The following RHOQ variants were observed in gnomAD, a reference collection of about 807,000 sequenced individuals.
The protein encoded by RHOQ is ras homolog family member Q.
A neutral mutation model predicts 25.8 loss-of-function variants in RHOQ; 7 were observed. The ratio of observed to expected loss-of-function variants is 0.27; its 90% CI spans 0.15 to 0.51. The LOEUF (loss-of-function observed/expected upper bound fraction) is 0.51. Ranked by LOEUF, RHOQ falls within the 20% of genes least tolerant of loss-of-function variation. The probability of loss-of-function intolerance (pLI) is 0.97; values close to 1 mark genes in which losing one functional copy is unlikely to be tolerated. For synonymous variants in RHOQ, 97 were observed against 98.6 expected, an observed-to-expected ratio of 0.98 and a Z score of 0.10; for missense variants, 165 against 260.6, an observed-to-expected ratio of 0.63 and a Z score of 2.53.
rs1669395358 is a variant in RHOQ, at chr2:46,581,904, G to A, written c.*821G>A. 1 of 234,336 alleles carries A rather than the reference G, an allele frequency of 4.3e-6. No homozygotes were observed. The highest frequency in any genetic ancestry group is 8.5e-6 in the Non-Finnish European group (1 of 118,300). The allele number at this position is 234,336 out of a possible 1,614,324, so 14.5% of individuals were successfully genotyped here. A position where few individuals can be genotyped will look rare whatever the true frequency, so the allele number is the denominator to read the frequency against. On this transcript the variant is annotated 3_prime_UTR_variant, in exon 5 of 5. Transcript: ENST00000238738. Reference sequence around the variant, plus strand: ...TTGCCATAATGATAGACTCAATTTAGCTCTCTGAACTAGTTGGTAATTTTT... The same window carrying A: ...TTGCCATAATGATAGACTCAATTTAACTCTCTGAACTAGTTGGTAATTTTT...
rs1669139399 is a variant in RHOQ at position 46,576,653 on chromosome 2, AGAG to A, written c.461_462+1del. On this transcript the variant is annotated inframe_deletion and splice_region_variant, in exon 4 of 5. Transcript: ENST00000238738. This position sits in a 1 kb window ranked among gnomAD's most constrained non-coding sequence, Gnocchi z 5.1. ...TGGAACAAGGACAGAAACTAGCAAA[AGAG>A]GTAATGGAACACTCACAGAATTTAA... is the stretch of plus-strand genomic sequence containing the variant. 1 of 1,571,416 alleles carries A rather than the reference AGAG, an allele frequency of 6.4e-7. No homozygotes were observed.
chr2:46,580,668 C>CATAT (rs1338675720), intron 4 of RHOQ: 4 of 289,988 alleles, frequency 1.4e-5, no homozygotes, highest in Non-Finnish European at 2.5e-5. Flanking sequence ...AGTTCACTGA[C>CATAT]ATATCCCCAG....
chr2:46,577,403 T>A (rs1183628192), intron 4 of RHOQ, among the ~76,000 whole-genome samples: 2 of 141,634 alleles, frequency 1.4e-5, no homozygotes, highest in African/African-American at 5.3e-5. Context: ...GGTCTTTTTT[T>A]TTTTTTTTTT....
intron 2 of RHOQ, among the ~76,000 whole-genome samples, chr2:46,558,500 G>A (rs113280301): frequency 0.024 from 3,684 of 152,226 alleles, 49 homozygotes; most frequent in African/African-American, 0.032. Context: ...TATTTAAGTT[G>A]TTTAGAAGTC....
intron 2 of RHOQ, among the ~76,000 whole-genome samples, chr2:46,553,225 C>T (rs1255853774): frequency 6.6e-6 from 1 of 152,166 alleles, no homozygotes; most frequent in African/African-American, 2.4e-5. Context: ...CAACCCATCT[C>T]CACCCCCTGC....
chr2:46,577,711 G>A (rs1240806779), intron 4 of RHOQ, among the ~76,000 whole-genome samples: 7 of 150,934 alleles, frequency 4.6e-5, no homozygotes, highest in African/African-American at 1.5e-4. Flanking sequence ...CACCGCGCCC[G>A]GCCCATATAT....
At chr2:46,543,377 C>G (rs992003263) in intron 1 of RHOQ, 189 bp downstream of exon 1, 23 of 628,682 alleles carry the variant, frequency 3.7e-5, no homozygotes, top group Non-Finnish European at 5.0e-5. Context: ...TGATCCACCC[C>G]CTCTCCCACC....
In RHOQ at chr2:46,552,170, G is replaced by C. The variant is rs187277961; in HGVS notation, c.201+8358G>C. ...ATTGTGTATAGGTGGAACACGTAGGGACGGCTGCTAAAACGGCTCCTACAA... is the reference window on the plus strand; with the variant it reads ...ATTGTGTATAGGTGGAACACGTAGGCACGGCTGCTAAAACGGCTCCTACAA... On this transcript the variant is annotated intron_variant, in intron 2 of 4. Transcript: ENST00000238738. This position sits in a 1 kb window ranked among gnomAD's most constrained non-coding sequence, Gnocchi z 5.0. Among the ~76,000 whole-genome samples the C allele has an allele frequency of 6.6e-6, 1 of 152,346 alleles. No homozygotes were observed. Among genetic ancestry groups the C allele is most frequent in the Admixed American group, 6.5e-5 (1 of 15,304 alleles).
chr2:46,562,496 A>G (rs564354150), intron 2 of RHOQ, among the ~76,000 whole-genome samples: 1 of 152,338 alleles, frequency 6.6e-6, no homozygotes, highest in East Asian at 1.9e-4. Context: ...TGCTTCAGAA[A>G]TGGCACTCCT....
chr2:46,572,118 T>TTTTTG (rs1349328969), intron 2 of RHOQ, among the ~76,000 whole-genome samples: 1 of 136,252 alleles, frequency 7.3e-6, no homozygotes, highest in African/African-American at 2.9e-5. Flanking sequence ...TTTTTTTTTT[T>TTTTTG]TTTTTTTTTT....
chr2:46,543,058 G>T lies in RHOQ; in HGVS notation c.12G>T (p.Gly4=), dbSNP rs370119449. 1.8e-5 allele frequency: 29 copies of T among 1,601,292 alleles called. No individual in the cohort carries two copies. Among genetic ancestry groups the T allele is most frequent in the Non-Finnish European group, 2.4e-5 (28 of 1,175,510 alleles). The change falls in exon 1 of 5, where the codon GGG becomes GGT. Residue 4 remains glycine (G), a synonymous_variant. Transcript: ENST00000238738. Reference sequence around the variant, plus strand: ...CGGCCGGCAGCAGCATGGCTCACGGGCCCGGCGCGCTGATGCTCAAGTGCG... The same window carrying T: ...CGGCCGGCAGCAGCATGGCTCACGGTCCCGGCGCGCTGATGCTCAAGTGCG... MAH[G]PGALMLKCVV...
rs917765102 is a variant in RHOQ, at chr2:46,581,338, T to C, written c.*255T>C. The C allele has an allele frequency of 5.3e-6, 7 of 1,317,448 alleles. No homozygotes were observed. In the African/African-American group the frequency reaches 6.0e-5, roughly 11 times the overall value. 81.6% of individuals were successfully genotyped at this position (1,317,448 alleles called of 1,614,324 possible). Reference sequence around the variant, plus strand: ...AAGGTACAATCTCTCAGGGGTTTCATAGTTTAAAAAGCTACAATCACATCA... The same window carrying C: ...AAGGTACAATCTCTCAGGGGTTTCACAGTTTAAAAAGCTACAATCACATCA... On this transcript the variant is annotated 3_prime_UTR_variant, in exon 5 of 5. Coordinates refer to ENST00000238738, the MANE Select transcript of RHOQ (RefSeq NM_012249.4).
At chr2:46,546,800 G>A (rs1033053068) in intron 2 of RHOQ, among the ~76,000 whole-genome samples, 1 of 151,954 alleles carries the variant, frequency 6.6e-6, no homozygotes, top group Non-Finnish European at 1.5e-5. Context: ...TTCCACTATG[G>A]GGAGTTTTGT....
intron 2 of RHOQ, among the ~76,000 whole-genome samples, chr2:46,574,839 T>C (rs897395802): frequency 2.0e-5 from 3 of 152,210 alleles, no homozygotes; most frequent in African/African-American, 7.2e-5. Flanking sequence ...GAAATACTAC[T>C]GCTGAAACTC....
Position 46,548,473 on chromosome 2 carries a change from C to T in RHOQ, c.201+4661C>T, listed in dbSNP as rs1668142025. On this transcript the variant is annotated intron_variant, in intron 2 of 4. Coordinates refer to ENST00000238738, the MANE Select transcript of RHOQ (RefSeq NM_012249.4). This position sits in a 1 kb window ranked among gnomAD's most constrained non-coding sequence, Gnocchi z 5.2. The stretch of plus-strand genomic sequence containing the variant: ...TCCTCACAACACCCTTCAAGGTAGA[C>T]TTCTCCCAGATGAGGAAATTGGGAA... 6.6e-6 allele frequency among the ~76,000 whole-genome samples: 1 copy of T among 152,224 alleles called. No homozygotes were observed. Among genetic ancestry groups the T allele is most frequent in the African/African-American group, 2.4e-5 (1 of 41,464 alleles).
chr2:46,572,570 G>A (rs538816778), intron 2 of RHOQ, among the ~76,000 whole-genome samples: 1 of 152,298 alleles, frequency 6.6e-6, no homozygotes, highest in South Asian at 2.1e-4. Context: ...CAACAGCCAT[G>A]CTGACTAAAC....
At chr2:46,573,949 TTTTGA>T (rs1168489614) in intron 2 of RHOQ, among the ~76,000 whole-genome samples, 1 of 152,202 alleles carries the variant, frequency 6.6e-6, no homozygotes, top group Non-Finnish European at 1.5e-5. Flanking sequence ...GTTTTGTGTG[TTTTGA>T]TTTTATTTCT....
At chr2:46,547,839 T>G (rs1171986870) in intron 2 of RHOQ, among the ~76,000 whole-genome samples, 1 of 152,162 alleles carries the variant, frequency 6.6e-6, no homozygotes, top group African/African-American at 2.4e-5. Context: ...CGATGGGAAG[T>G]GGAAAGAGCT....
intron 2 of RHOQ, among the ~76,000 whole-genome samples, chr2:46,546,284 C>A (rs1297699320): frequency 4.0e-5 from 6 of 151,422 alleles, no homozygotes; most frequent in Non-Finnish European, 8.8e-5. Flanking sequence ...TCATGTGTTA[C>A]ATAGGAGATC....
Sources: gnomAD v4.1 joint callset for allele counts (sites outside exome capture counted in the v4.1 genomes callset) on GRCh38, gnomAD v4.1.1 for gene constraint, Gnocchi (gnomAD v3.1) non-coding constraint, MANE v1.5 for transcripts, NCBI Gene and HGNC (gene_info 2026-07-23, HGNC 2026-07-21) for gene names.